CPNE4: variants seen among roughly 807,000 people sequenced by gnomAD.
CPNE4 encodes the protein copine 4.
In CPNE4, 25 loss-of-function variants were observed where a neutral mutation model predicts 67.9. The observed-to-expected ratio is 0.37, with a 90% confidence interval of 0.27 to 0.51. The LOEUF (loss-of-function observed/expected upper bound fraction) is 0.51. Among genes scored for constraint, CPNE4 ranks in the 20% least tolerant of loss-of-function variants. CPNE4 has a pLI of 0.93. For synonymous variants in CPNE4, 242 were observed against 244.9 expected (o/e 0.99, Z 0.11); for missense variants, 464 against 690.8 (o/e 0.67, Z 3.68).
intron 1 of CPNE4, among the ~76,000 whole-genome samples, chr3:131,932,305 T>G (rs375104208): frequency 3.9e-5 from 6 of 152,186 alleles, no homozygotes; most frequent in African/African-American, 1.4e-4. Context: ...TATGACATAT[T>G]ATGCCATTAA....
chr3:131,643,380 T>TAAA (rs2079584704), intron 7 of CPNE4, among the ~76,000 whole-genome samples: 1 of 152,218 alleles, frequency 6.6e-6, no homozygotes, highest in Non-Finnish European at 1.5e-5. Flanking sequence ...TGGTAGCCCC[T>TAAA]TTGTTTTAGC....
chr3:131,535,931 C>T (rs1935118466), intron 15 of CPNE4, among the ~76,000 whole-genome samples: 2 of 152,134 alleles, frequency 1.3e-5, no homozygotes, highest in South Asian at 4.1e-4. Flanking sequence ...GAGGCCAGGG[C>T]ATAAAAAACA....
At chr3:131,892,391 G>A (rs1393119054) in intron 2 of CPNE4, among the ~76,000 whole-genome samples, 1 of 152,104 alleles carries the variant, frequency 6.6e-6, no homozygotes, top group Non-Finnish European at 1.5e-5. Context: ...CAAATGTTGA[G>A]GGAATTCATC....
chr3:131,694,136 C>G (rs2081094852), intron 5 of CPNE4, among the ~76,000 whole-genome samples: 1 of 152,114 alleles, frequency 6.6e-6, no homozygotes, highest in African/African-American at 2.4e-5. Context: ...CCTACATATT[C>G]ATACTTCAAT....
At chr3:131,767,519 T>TAGGGC (rs2083052141) in intron 2 of CPNE4, among the ~76,000 whole-genome samples, 1 of 152,058 alleles carries the variant, frequency 6.6e-6, no homozygotes, top group Admixed American at 6.6e-5. Flanking sequence ...TCGGCCTGAC[T>TAGGGC]AGGGCACAGT....
At chr3:131,918,964 G>C (rs905940507) in intron 1 of CPNE4, among the ~76,000 whole-genome samples, 5 of 152,134 alleles carry the variant, frequency 3.3e-5, no homozygotes, top group African/African-American at 1.2e-4. Flanking sequence ...ACTATGAAAA[G>C]TGTTGTAGGG....
chr3:131,548,699 G>A (rs2107640416), intron 14 of CPNE4, among the ~76,000 whole-genome samples: 1 of 152,182 alleles, frequency 6.6e-6, no homozygotes, highest in South Asian at 2.1e-4. Context: ...TGAAATATAG[G>A]GAGCGAAAGA....
Position 131,855,012 on chromosome 3 carries a change from G to A in CPNE4, c.180+50252C>T, listed in dbSNP as rs115361275. On this transcript the variant is annotated intron_variant, in intron 2 of 15. Transcript: ENST00000429747. ...TGCACAAGCCTACAACCAAGATACG[G>A]TATTTCTGTAACTTCTTTTAACAAG... Among the ~76,000 whole-genome samples the A allele has an allele frequency of 4.4e-4, 67 of 152,018 alleles. 1 individual carries two copies. The highest frequency in any genetic ancestry group is 1.6e-3 in the African/African-American group (67 of 41,504).
At chr3:131,704,204 C>A (rs1016525313) in intron 3 of CPNE4, among the ~76,000 whole-genome samples, 3 of 152,166 alleles carry the variant, frequency 2.0e-5, no homozygotes, top group Admixed American at 1.3e-4. Flanking sequence ...ACTTCCCAGG[C>A]CTCCCTCTTG....
At chr3:131,901,015 T>C (rs1211384737) in intron 2 of CPNE4, among the ~76,000 whole-genome samples, 2 of 151,932 alleles carry the variant, frequency 1.3e-5, no homozygotes, top group Non-Finnish European at 1.5e-5. Flanking sequence ...ACCTAGAAGT[T>C]TGGAGTATAA....
At chr3:131,563,179 C>T (rs752591384) in intron 11 of CPNE4, among the ~76,000 whole-genome samples, 2 of 151,972 alleles carry the variant, frequency 1.3e-5, no homozygotes, top group African/African-American at 4.8e-5. Flanking sequence ...AATTATGACA[C>T]TAGAAAGAAC....
intron 2 of CPNE4, among the ~76,000 whole-genome samples, chr3:131,803,528 AT>A (rs1408672359): frequency 1.3e-5 from 2 of 152,218 alleles, no homozygotes; most frequent in African/African-American, 4.8e-5. Context: ...AGGCATAGAC[AT>A]CTGGGACTCT....
At chr3:131,839,664 G>A (rs1245338664) in intron 2 of CPNE4, among the ~76,000 whole-genome samples, 2 of 151,814 alleles carry the variant, frequency 1.3e-5, no homozygotes, top group African/African-American at 4.8e-5. Flanking sequence ...CATTTATTTT[G>A]TACTTTATAT....
intron 2 of CPNE4, among the ~76,000 whole-genome samples, chr3:131,778,079 C>G (rs1375413124): frequency 6.6e-6 from 1 of 152,130 alleles, no homozygotes; most frequent in Non-Finnish European, 1.5e-5. Flanking sequence ...CTGCCTTGGT[C>G]TTGCCCTTGT....
chr3:131,706,101 T>C (rs2081408517), intron 3 of CPNE4, among the ~76,000 whole-genome samples: 1 of 152,186 alleles, frequency 6.6e-6, no homozygotes, highest in Non-Finnish European at 1.5e-5. Context: ...TTTCAATCAC[T>C]GCCTTTGGTG....
intron 2 of CPNE4, among the ~76,000 whole-genome samples, chr3:131,762,056 G>A (rs1235856181): frequency 7.9e-5 from 12 of 151,934 alleles, no homozygotes; most frequent in Admixed American, 7.9e-4. Flanking sequence ...ATTTTATTAA[G>A]GATCTTTCTA....
chr3:131,696,971 A>T (rs1382196493), intron 4 of CPNE4, among the ~76,000 whole-genome samples: 1 of 152,246 alleles, frequency 6.6e-6, no homozygotes, highest in Non-Finnish European at 1.5e-5. Context: ...CCTTTGGTAA[A>T]TTACAGAGAA....
chr3:131,590,869 G>A (rs956977068), intron 7 of CPNE4, among the ~76,000 whole-genome samples: 1 of 152,198 alleles, frequency 6.6e-6, no homozygotes, highest in African/African-American at 2.4e-5. Context: ...CATTCTGCTT[G>A]AAATGCTATG....
intron 2 of CPNE4, among the ~76,000 whole-genome samples, chr3:131,828,467 T>A (rs2085250169): frequency 6.6e-6 from 1 of 152,172 alleles, no homozygotes; most frequent in Non-Finnish European, 1.5e-5. Flanking sequence ...AAGCATTGGA[T>A]TTTTTCTTTT....
Sources: gnomAD v4.1 joint callset for allele counts (sites outside exome capture counted in the v4.1 genomes callset) on GRCh38, gnomAD v4.1.1 for gene constraint, MANE v1.5 for transcripts, NCBI Gene and HGNC (gene_info 2026-07-23, HGNC 2026-07-21) for gene names.